Variants in STK33 observed in about 807,000 individuals in gnomAD.
STK33 encodes the protein serine/threonine-protein kinase 33.
In STK33, 52 loss-of-function variants were observed where a neutral mutation model predicts 58.0. The observed-to-expected ratio is 0.90, with a 90% confidence interval of 0.72 to 1.13. The LOEUF (loss-of-function observed/expected upper bound fraction) is 1.13. Among genes scored for constraint, STK33 ranks in the 50% most tolerant of loss-of-function variants. The pLI is 0.00. For missense variants in STK33, 630 were observed against 604.2 expected (o/e 1.04, Z -0.45); for synonymous variants, 215 against 200.1 (o/e 1.07, Z -0.63).
the STK33 span, among the ~76,000 whole-genome samples, chr11:8,349,877 TC>T: frequency 6.6e-6 from 1 of 152,204 alleles, no homozygotes; most frequent in East Asian, 1.9e-4. Flanking sequence ...TATAGATTTC[TC>T]CTGGGAAACC....
intron 1 of STK33, among the ~76,000 whole-genome samples, chr11:8,483,996 G>C (rs1329773120): frequency 2.6e-5 from 4 of 152,080 alleles, no homozygotes; most frequent in Non-Finnish European, 4.4e-5. Flanking sequence ...AGAGTCTAAA[G>C]ACCCCAAGTT....
chr11:8,356,389 C>T, the STK33 span, among the ~76,000 whole-genome samples: 2 of 152,280 alleles, frequency 1.3e-5, no homozygotes, highest in East Asian at 1.9e-4. Flanking sequence ...GCCTCAAACT[C>T]CTCCAAAGTG....
intron 6 of STK33, chr11:8,465,491 C>T (rs534321117): frequency 6.6e-6 from 1 of 152,230 alleles, no homozygotes; most frequent in Admixed American, 6.5e-5. Context: ...GTTTTGCCAA[C>T]ATCACCATTT....
At chr11:8,547,108 A>C (rs549458690) in intron 1 of STK33, among the ~76,000 whole-genome samples, 2 of 152,298 alleles carry the variant, frequency 1.3e-5, no homozygotes, top group South Asian at 4.1e-4. Flanking sequence ...TAGCCATTTT[A>C]ACTGGGGCAA....
intron 1 of STK33, among the ~76,000 whole-genome samples, chr11:8,547,789 C>A (rs192923267): frequency 3.3e-5 from 5 of 152,196 alleles, no homozygotes; most frequent in South Asian, 4.1e-4. Flanking sequence ...CCAAAAAAAT[C>A]TTTGCCCAGA....
intron 1 of STK33, among the ~76,000 whole-genome samples, chr11:8,493,671 T>C (rs1950821641): frequency 6.6e-6 from 1 of 152,222 alleles, no homozygotes; most frequent in Admixed American, 6.5e-5. Flanking sequence ...ACAATATCCC[T>C]GATGAACATC....
At chr11:8,543,562 G>C (rs962936904) in intron 1 of STK33, among the ~76,000 whole-genome samples, 1 of 152,082 alleles carries the variant, frequency 6.6e-6, no homozygotes, top group East Asian at 1.9e-4. Context: ...TGAACTCATA[G>C]ATGTAGAAAG....
the STK33 span, among the ~76,000 whole-genome samples, chr11:8,350,598 G>T: frequency 6.6e-6 from 1 of 152,196 alleles, no homozygotes; most frequent in Non-Finnish European, 1.5e-5. Flanking sequence ...TGCACTAGAA[G>T]GCTCTGAAAA....
chr11:8,414,009 C>T (rs967147603), intron 14 of STK33, among the ~76,000 whole-genome samples: 11 of 152,112 alleles, frequency 7.2e-5, no homozygotes, highest in Admixed American at 5.9e-4. Flanking sequence ...ACCCCTATAG[C>T]GCTGTTCTTA....
intron 15 of STK33, among the ~76,000 whole-genome samples, chr11:8,407,971 A>G (rs1939555505): frequency 6.6e-6 from 1 of 152,220 alleles, no homozygotes; most frequent in African/African-American, 2.4e-5. Context: ...ATATAAGTGA[A>G]GAACATTTCA....
At chr11:8,474,299 A>T (rs997444452) in intron 5 of STK33, among the ~76,000 whole-genome samples, 3 of 152,240 alleles carry the variant, frequency 2.0e-5, no homozygotes, top group African/African-American at 7.2e-5. Flanking sequence ...CCACAACTTA[A>T]ATAACAAAGC....
chr11:8,586,616 G>A lies in STK33; in HGVS notation c.-466+7467C>T, dbSNP rs2031682489. On this transcript the variant is annotated intron_variant, in intron 1 of 15. Coordinates refer to ENST00000687296, the MANE Select transcript of STK33 (RefSeq NM_001352389.2). ...AGATGGGTGGATCACTTGAGGTCAGGAGTTTCAGACCAGCCTGGCCAACAT... is the reference window on the plus strand; with the variant it reads ...AGATGGGTGGATCACTTGAGGTCAGAAGTTTCAGACCAGCCTGGCCAACAT... Among the ~76,000 whole-genome samples, 4 of 152,048 alleles carry A rather than the reference G, an allele frequency of 2.6e-5. No homozygotes were observed. In the South Asian group the frequency reaches 8.3e-4, roughly 32 times the overall value.
At chr11:8,423,173 G>T (rs902859684) in intron 14 of STK33, among the ~76,000 whole-genome samples, 2 of 149,522 alleles carry the variant, frequency 1.3e-5, no homozygotes, top group Non-Finnish European at 3.0e-5. Context: ...TTTCACCAAA[G>T]ATTTATTTAT....
chr11:8,340,516 T>C, the STK33 span, among the ~76,000 whole-genome samples: 1 of 152,372 alleles, frequency 6.6e-6, no homozygotes, highest in East Asian at 1.9e-4. Context: ...AGGTGGACTC[T>C]TGAACTGTGA....
rs181280970 is a variant in STK33, at chr11:8,511,189, T to C, written c.-465-30575A>G. 3.3e-5 allele frequency among the ~76,000 whole-genome samples: 5 copies of C among 152,290 alleles called. No individual in the cohort carries two copies. In the East Asian group the frequency reaches 7.7e-4, roughly 23 times the overall value. On this transcript the variant is annotated intron_variant, in intron 1 of 15. Coordinates refer to ENST00000687296, the MANE Select transcript of STK33 (RefSeq NM_001352389.2). The stretch of plus-strand genomic sequence containing the variant: ...TTCAGCAGTGTTTTGTAGTTCTCCT[T>C]GTAAAGATCTTCCACCTCCTTGGTT...
At chr11:8,435,296 T>C (rs1943927249) in intron 14 of STK33, among the ~76,000 whole-genome samples, 198 bp downstream of exon 14, 1 of 152,180 alleles carries the variant, frequency 6.6e-6, no homozygotes. Flanking sequence ...TATAAATATA[T>C]ATAAACAACT....
chr11:8,444,917 T>A (rs1945230186), intron 11 of STK33, among the ~76,000 whole-genome samples: 1 of 152,214 alleles, frequency 6.6e-6, no homozygotes, highest in Non-Finnish European at 1.5e-5. Flanking sequence ...TTTTTTCCAA[T>A]TCTGTGAAGA....
chr11:8,568,433 C>T (rs1482730122), intron 1 of STK33, among the ~76,000 whole-genome samples: 1 of 152,076 alleles, frequency 6.6e-6, no homozygotes, highest in Non-Finnish European at 1.5e-5. Context: ...AACTCAAAAA[C>T]AATTACAAAA....
At chr11:8,495,062 C>CA (rs1344485613) in intron 1 of STK33, among the ~76,000 whole-genome samples, 1 of 152,022 alleles carries the variant, frequency 6.6e-6, no homozygotes, top group African/African-American at 2.4e-5. Flanking sequence ...AAAACACCAA[C>CA]AGCAATGGCA....
Sources: allele counts gnomAD v4.1 joint callset (sites outside exome capture counted in the v4.1 genomes callset), GRCh38; gene constraint gnomAD v4.1.1; transcripts MANE v1.5; gene names NCBI Gene and HGNC (gene_info 2026-07-23, HGNC 2026-07-21).